DAB1: variants seen among roughly 807,000 people sequenced by gnomAD.
DAB1 encodes DAB adaptor protein 1.
A neutral mutation model predicts 64.6 loss-of-function variants in DAB1; 15 were observed. That is an observed-to-expected ratio of 0.23 (90% CI 0.16 to 0.36). The LOEUF is 0.36. Among genes scored for constraint, DAB1 ranks in the 10% least tolerant of loss-of-function variants. DAB1 has a pLI of 1.00. For synonymous variants in DAB1, 235 were observed against 251.9 expected (o/e 0.93, Z 0.64); for missense variants, 596 against 706.7 (o/e 0.84, Z 1.78).
chr1:57,319,314 G>A (rs1018530955), intron 1 of DAB1, among the ~76,000 whole-genome samples: 2 of 152,120 alleles, frequency 1.3e-5, no homozygotes, highest in Admixed American at 6.5e-5. Context: ...GCTGAGGATT[G>A]GGGGAGGGCA....
chr1:58,027,588 T>G (rs1417907343), intron 5 of DAB1, among the ~76,000 whole-genome samples: 1 of 152,088 alleles, frequency 6.6e-6, no homozygotes, highest in Non-Finnish European at 1.5e-5. Flanking sequence ...CTCTTTGATA[T>G]TAGGGTTGAG....
intron 6 of DAB1, among the ~76,000 whole-genome samples, chr1:57,774,658 G>A (rs1004463205): frequency 2.6e-5 from 4 of 151,718 alleles, no homozygotes; most frequent in Admixed American, 6.6e-5. Context: ...TATCTATAGC[G>A]ATAGCTGTAT....
Position 57,014,823 on chromosome 1 carries a change from G to GCCTCCAGA in DAB1, c.1444+52_1444+59dup, listed in dbSNP as rs1265639893. On this transcript the variant is annotated intron_variant, in intron 12 of 14. Coordinates refer to ENST00000371236, the MANE Select transcript of DAB1 (RefSeq NM_001365792.1). ...TGAGTTATTTGACTCCAGAAACCCC[G>GCCTCCAGA]CCTCCAGACATGAGTTACGGCTCTC... 4.3e-6 allele frequency: 6 copies of GCCTCCAGA among 1,409,476 alleles called. No homozygotes were observed. In the East Asian group the frequency reaches 1.2e-4, roughly 27 times the overall value. The allele number at this position is 1,409,476 out of a possible 1,614,324, so 87.3% of individuals were successfully genotyped here. A position where few individuals can be genotyped will look rare whatever the true frequency, so the allele number is the denominator to read the frequency against.
chr1:57,170,549 C>T (rs1557857062), intron 2 of DAB1, among the ~76,000 whole-genome samples: 1 of 152,100 alleles, frequency 6.6e-6, no homozygotes, highest in Non-Finnish European at 1.5e-5. Context: ...TATTAACCTG[C>T]TTTATAAATA....
intron 7 of DAB1, among the ~76,000 whole-genome samples, chr1:57,437,684 C>T (rs924644475): frequency 6.6e-6 from 1 of 152,148 alleles, no homozygotes; most frequent in Non-Finnish European, 1.5e-5. Flanking sequence ...ACCCATTCCC[C>T]CCAGCCCCCA....
At chr1:58,303,741 C>T (rs1662226611) in intron 4 of DAB1, among the ~76,000 whole-genome samples, 1 of 152,160 alleles carries the variant, frequency 6.6e-6, no homozygotes, top group African/African-American at 2.4e-5. Flanking sequence ...CAAGAGATTA[C>T]AGAAAGTTGG....
At position 57,475,471 on chromosome 1, in the gene DAB1, G is replaced by C. The variant is rs528843731; in HGVS notation, n.625+174121C>G. Among the ~76,000 whole-genome samples the C allele has an allele frequency of 4.6e-5, 7 of 152,296 alleles. No individual in the cohort carries two copies. In the South Asian group the frequency reaches 1.5e-3, roughly 32 times the overall value. ...ATGTCTGATACCTAGAGGGTGGCCA[G>C]TGAATAGTAATTAGCATTCAGATTC... On this transcript the variant is annotated intron_variant and non_coding_transcript_variant, in intron 7 of 20. Transcript: ENST00000485760.
intron 4 of DAB1, among the ~76,000 whole-genome samples, chr1:57,102,544 G>A (rs1654774618): frequency 6.6e-6 from 1 of 152,096 alleles, no homozygotes; most frequent in Admixed American, 6.5e-5. Context: ...CAGATTGAGC[G>A]CCAGGATTTA....
intron 4 of DAB1, among the ~76,000 whole-genome samples, chr1:58,165,269 A>G (rs1655766078): frequency 6.6e-6 from 1 of 152,174 alleles, no homozygotes; most frequent in Non-Finnish European, 1.5e-5. Context: ...GGTTTTCTAC[A>G]TCAAGATTAC....
intron 5 of DAB1, among the ~76,000 whole-genome samples, chr1:58,045,940 T>A (rs1570272795): frequency 2.3e-5 from 1 of 43,150 alleles, no homozygotes; most frequent in Non-Finnish European, 6.1e-5. Context: ...TATCAATTTT[T>A]TTTTTTTTTT....
intron 9 of DAB1, among the ~76,000 whole-genome samples, chr1:57,049,956 C>T (rs1276310516): frequency 6.6e-6 from 1 of 152,154 alleles, no homozygotes; most frequent in Non-Finnish European, 1.5e-5. Flanking sequence ...GTTTAGCTTC[C>T]ACCAGGCAGC....
At chr1:57,767,675 G>T (rs1649375837) in intron 6 of DAB1, among the ~76,000 whole-genome samples, 1 of 152,000 alleles carries the variant, frequency 6.6e-6, no homozygotes. Flanking sequence ...AATAATTAAT[G>T]AATGAAAGAA....
intron 5 of DAB1, among the ~76,000 whole-genome samples, chr1:57,955,950 G>A (rs1194638398): frequency 1.3e-5 from 2 of 152,166 alleles, no homozygotes; most frequent in Non-Finnish European, 2.9e-5. Flanking sequence ...ATGCCAAGAA[G>A]ATAAGGCAGT....
Position 57,997,493 on chromosome 1 carries a change from C to T in DAB1, n.388-113331G>A, listed in dbSNP as rs1028862893. 2.0e-5 allele frequency among the ~76,000 whole-genome samples: 3 copies of T among 152,152 alleles called. No individual in the cohort carries two copies. In the East Asian group the frequency reaches 5.8e-4, roughly 29 times the overall value. ...CTCCTGCTCTTAAACTTGTCTTGGT[C>T]CCTCCCTCTGCCTTATAGCCCCTCA... On this transcript the variant is annotated intron_variant and non_coding_transcript_variant, in intron 5 of 20. Coordinates refer to the DAB1 transcript ENST00000485760.
chr1:58,503,081 G>A (rs1645931560), intron 3 of DAB1, among the ~76,000 whole-genome samples: 1 of 152,140 alleles, frequency 6.6e-6, no homozygotes, highest in Non-Finnish European at 1.5e-5. Context: ...GTAATTTGAT[G>A]ATGAAATGAC....
intron 4 of DAB1, among the ~76,000 whole-genome samples, chr1:58,287,982 A>C (rs985200561): frequency 2.9e-5 from 4 of 138,890 alleles, no homozygotes; most frequent in Admixed American, 1.6e-4. Flanking sequence ...AGATCACACC[A>C]CTGCACTCCA....
At chr1:58,095,214 T>C (rs561005643) in intron 5 of DAB1, among the ~76,000 whole-genome samples, 10 of 152,316 alleles carry the variant, frequency 6.6e-5, no homozygotes, top group South Asian at 2.1e-4. Flanking sequence ...ATGTTTGATA[T>C]ATGACTAAAC....
chr1:57,949,193 G>A lies in DAB1; in HGVS notation n.388-65031C>T, dbSNP rs375132630. 3.3e-5 allele frequency among the ~76,000 whole-genome samples: 5 copies of A among 152,168 alleles called. No homozygotes were observed. In the East Asian group the frequency reaches 9.6e-4, roughly 29 times the overall value. ...GGGGCTGGGGGGATGGTTTGGGGATGAAATTGTTCCACCTCAGATCATCAG... is the reference window on the plus strand; with the variant it reads ...GGGGCTGGGGGGATGGTTTGGGGATAAAATTGTTCCACCTCAGATCATCAG... On this transcript the variant is annotated intron_variant and non_coding_transcript_variant, in intron 5 of 20. Coordinates refer to the DAB1 transcript ENST00000485760.
At chr1:58,091,356 C>A (rs908283206) in intron 5 of DAB1, among the ~76,000 whole-genome samples, 1 of 152,220 alleles carries the variant, frequency 6.6e-6, no homozygotes, top group African/African-American at 2.4e-5. Context: ...CATGGCACAG[C>A]CCTCCCAGCT....
Sources: gnomAD v4.1 joint callset for allele counts (sites outside exome capture counted in the v4.1 genomes callset) on GRCh38, gnomAD v4.1.1 for gene constraint, MANE v1.5 for transcripts, NCBI Gene and HGNC (gene_info 2026-07-23, HGNC 2026-07-21) for gene names.